Variants in GMDS observed in about 807,000 individuals in gnomAD.
GMDS encodes the protein GDP-mannose 4,6 dehydratase.
GMDS carries 20 observed loss-of-function variants against 49.9 expected under a neutral mutation model. The ratio of observed to expected loss-of-function variants is 0.40; its 90% CI spans 0.28 to 0.58. GMDS has a LOEUF of 0.58. Ranked by LOEUF, GMDS falls within the 20% of genes least tolerant of loss-of-function variation. The pLI is 0.42. For synonymous variants in GMDS, 177 were observed against 178.6 expected, an observed-to-expected ratio of 0.99 and a Z score of 0.07; for missense variants, 362 against 481.4, an observed-to-expected ratio of 0.75 and a Z score of 2.32.
At chr6:1,743,109 G>GT (rs1451332008) in intron 7 of GMDS, among the ~76,000 whole-genome samples, 3 of 152,138 alleles carry the variant, frequency 2.0e-5, no homozygotes, top group African/African-American at 7.2e-5. Flanking sequence ...AAAAAACAAA[G>GT]TAAGTGCGAA....
intron 9 of GMDS, among the ~76,000 whole-genome samples, chr6:1,660,915 T>A (rs2113248088): frequency 1.3e-5 from 2 of 151,684 alleles, no homozygotes; most frequent in South Asian, 4.2e-4. Context: ...GAATCACAGC[T>A]GATCACAACA....
intron 7 of GMDS, among the ~76,000 whole-genome samples, chr6:1,744,250 T>C (rs1453285019): frequency 6.6e-6 from 1 of 152,196 alleles, no homozygotes; most frequent in East Asian, 1.9e-4. Flanking sequence ...TTTTGGTCTA[T>C]TTTATATGCT....
intron 4 of GMDS, among the ~76,000 whole-genome samples, chr6:1,972,267 T>G (rs1294387405): frequency 6.7e-6 from 1 of 149,600 alleles, no homozygotes; most frequent in African/African-American, 2.4e-5. Context: ...TTTTTGTTTT[T>G]TTTTTTTTTT....
chr6:2,125,634 G>A (rs1327834522), intron 1 of GMDS, among the ~76,000 whole-genome samples: 3 of 152,158 alleles, frequency 2.0e-5, no homozygotes, highest in Non-Finnish European at 4.4e-5. Context: ...AAGGGGATAA[G>A]ATGGGAACTA....
At chr6:2,067,303 G>T (rs955565115) in intron 4 of GMDS, among the ~76,000 whole-genome samples, 1 of 151,886 alleles carries the variant, frequency 6.6e-6, no homozygotes, top group Admixed American at 6.6e-5. Context: ...ATGCCCACAA[G>T]AGAAAGCAGG....
chr6:1,990,682 C>T (rs1431605098), intron 4 of GMDS, among the ~76,000 whole-genome samples: 2 of 152,124 alleles, frequency 1.3e-5, no homozygotes, highest in Non-Finnish European at 2.9e-5. Context: ...TAAAGCAATC[C>T]TCCCACCTTA....
Position 2,230,940 on chromosome 6 carries a change from CA to C in GMDS, c.102+14380del, listed in dbSNP as rs199793847. ...CATTTAGTATTCTCTTCCCCCCTCC[CA>C]CCCCCCCCCCCCGTTCCTTCCCCTA... On this transcript the variant is annotated intron_variant, in intron 1 of 10. Coordinates refer to ENST00000380815, the MANE Select transcript of GMDS (RefSeq NM_001500.4). Among the ~76,000 whole-genome samples, 158 of 50,026 alleles carry C rather than the reference CA, an allele frequency of 3.2e-3. 2 individuals carry two copies. Among genetic ancestry groups the C allele is most frequent in the Middle Eastern group, 0.019 (3 of 158 alleles). 32.8% of individuals were successfully genotyped at this position (50,026 alleles called of 152,430 possible). A position where few individuals can be genotyped will look rare whatever the true frequency, so the allele number is the denominator to read the frequency against.
intron 4 of GMDS, among the ~76,000 whole-genome samples, chr6:1,980,650 G>A (rs1246527906): frequency 6.6e-6 from 1 of 152,146 alleles, no homozygotes; most frequent in African/African-American, 2.4e-5. Context: ...CATCAAAACA[G>A]AAAATTAACC....
chr6:2,141,749 A>C (rs1465516278), intron 1 of GMDS, among the ~76,000 whole-genome samples: 1 of 152,178 alleles, frequency 6.6e-6, no homozygotes, highest in Non-Finnish European at 1.5e-5. Context: ...AGCATCTCTG[A>C]CCACAAACGG....
intron 9 of GMDS, among the ~76,000 whole-genome samples, chr6:1,659,356 T>G (rs781341858): frequency 3.9e-5 from 6 of 152,088 alleles, no homozygotes; most frequent in Non-Finnish European, 8.8e-5. Flanking sequence ...TTCATCCCAA[T>G]GAGGTCCCAT....
intron 4 of GMDS, among the ~76,000 whole-genome samples, chr6:2,105,667 A>T (rs1200740930): frequency 1.3e-5 from 2 of 152,180 alleles, no homozygotes; most frequent in African/African-American, 4.8e-5. Context: ...TGTCAATACC[A>T]CTAATTTCTA....
chr6:2,188,475 A>G (rs1244638743), intron 1 of GMDS, among the ~76,000 whole-genome samples: 1 of 152,176 alleles, frequency 6.6e-6, no homozygotes, highest in Non-Finnish European at 1.5e-5. Flanking sequence ...TGCTATTTTG[A>G]TATGGACGGG....
intron 9 of GMDS, among the ~76,000 whole-genome samples, chr6:1,633,763 G>T (rs1225048037): frequency 6.6e-6 from 1 of 152,154 alleles, no homozygotes; most frequent in Non-Finnish European, 1.5e-5. Flanking sequence ...TGACCACGAG[G>T]CTGGGAGGGA....
intron 4 of GMDS, among the ~76,000 whole-genome samples, chr6:2,041,754 A>G (rs1216521444): frequency 6.6e-6 from 1 of 152,200 alleles, no homozygotes; most frequent in Non-Finnish European, 1.5e-5. Flanking sequence ...ATTTTATACC[A>G]TATGACATTG....
At chr6:1,933,550 G>A (rs1476444584) in intron 6 of GMDS, among the ~76,000 whole-genome samples, 3 of 152,170 alleles carry the variant, frequency 2.0e-5, no homozygotes, top group African/African-American at 7.2e-5. Context: ...CTGTTAAACT[G>A]TAGTCATGCT....
intron 7 of GMDS, among the ~76,000 whole-genome samples, chr6:1,861,618 CAA>C (rs563437388): frequency 2.1e-4 from 23 of 107,940 alleles, no homozygotes; most frequent in Admixed American, 1.9e-4. Context: ...CTCTTTCTCC[CAA>C]AAAAAAAAAA....
intron 7 of GMDS, among the ~76,000 whole-genome samples, chr6:1,782,109 A>T (rs983129401): frequency 2.0e-5 from 3 of 152,212 alleles, no homozygotes; most frequent in Non-Finnish European, 2.9e-5. Context: ...TTGAAACTGC[A>T]TGGAAGAAAG....
chr6:2,175,538 C>G (rs1192489741), intron 1 of GMDS, among the ~76,000 whole-genome samples: 1 of 152,172 alleles, frequency 6.6e-6, no homozygotes, highest in East Asian at 1.9e-4. Context: ...ATTACTATAC[C>G]TCAGCTTGGG....
At chr6:2,008,840 GCCCTAGC>G (rs1327021066) in intron 4 of GMDS, among the ~76,000 whole-genome samples, 63 of 152,130 alleles carry the variant, frequency 4.1e-4, no homozygotes, top group Non-Finnish European at 5.6e-4. Context: ...TTTGTTACAT[GCCCTAGC>G]AGGTACGTAA....
Sources: allele counts gnomAD v4.1 joint callset (sites outside exome capture counted in the v4.1 genomes callset), GRCh38; gene constraint gnomAD v4.1.1; transcripts MANE v1.5; gene names NCBI Gene and HGNC (gene_info 2026-07-23, HGNC 2026-07-21).